The following TAOK1 variants were observed in gnomAD, a reference collection of about 807,000 sequenced individuals.
TAOK1 encodes the protein serine/threonine-protein kinase TAO1.
TAOK1 carries 21 observed loss-of-function variants against 138.3 expected under a neutral mutation model. The observed-to-expected ratio is 0.15, with a 90% CI of 0.11 to 0.22. TAOK1 has a LOEUF of 0.22. TAOK1 is among the 10% of genes least tolerant of loss of function. The pLI, the probability that TAOK1 is intolerant of heterozygous loss-of-function variation, is 1.00. For synonymous variants in TAOK1, 361 were observed against 398.4 expected, an observed-to-expected ratio of 0.91 and a Z score of 1.12; for missense variants, 651 against 1,227.7, an observed-to-expected ratio of 0.53 and a Z score of 7.02.
chr17:29,528,355 G>A (rs1424083308), intron 17 of TAOK1, among the ~76,000 whole-genome samples: 1 of 152,056 alleles, frequency 6.6e-6, no homozygotes, highest in African/African-American at 2.4e-5. Flanking sequence ...GCCAAGATTT[G>A]TTAACTTGAC....
intron 1 of TAOK1, among the ~76,000 whole-genome samples, chr17:29,439,711 G>A (rs1027332122): frequency 1.3e-5 from 2 of 151,730 alleles, no homozygotes; most frequent in African/African-American, 4.8e-5. Context: ...ATTTTTTAGT[G>A]TGGAGTTATA....
At chr17:29,532,279 A>G (rs1412425522) in intron 18 of TAOK1, among the ~76,000 whole-genome samples, 1 of 151,718 alleles carries the variant, frequency 6.6e-6, no homozygotes, top group Non-Finnish European at 1.5e-5. Flanking sequence ...TCTTTGTTCT[A>G]TAGTTATTTC....
Position 29,534,218 on chromosome 17 carries a change from T to C in TAOK1, c.2462T>C (p.Met821Thr). ...AATGCGTATCAGAGCAAAATCAAGA[T>C]GCAAGCTGAGGCACAACATGATCGA... is the stretch of plus-strand genomic sequence containing the variant. ...LLNAYQSKIK[M>T]QAEAQHDREL... is the part of the protein sequence containing the mutation. Residue 821 changes from methionine to threonine, a missense_variant, in exon 19 of 20, where the codon ATG (methionine) becomes ACG (threonine). By Grantham distance (81) the Met-to-Thr change is moderately conservative. Transcript: ENST00000261716. 6.2e-7 allele frequency: 1 copy of C among 1,613,660 alleles called. No homozygotes were observed. The highest frequency in any genetic ancestry group is 8.5e-7 in the Non-Finnish European group (1 of 1,179,824).
At chr17:29,438,232 T>A (rs553027521) in intron 1 of TAOK1, among the ~76,000 whole-genome samples, 11 of 152,244 alleles carry the variant, frequency 7.2e-5, no homozygotes, top group Non-Finnish European at 1.2e-4. Flanking sequence ...ATATTACTAT[T>A]TGAATATTCT....
At chr17:29,489,576 T>C in intron 8 of TAOK1, 88 bp from the exon 9 acceptor site, 1 of 810,928 alleles carries the variant, frequency 1.2e-6, no homozygotes, top group Admixed American at 3.0e-5. Context: ...CAAAATAAAA[T>C]CATTTAAAAA....
chr17:29,468,302 A>C (rs1006356865), intron 3 of TAOK1, among the ~76,000 whole-genome samples: 5 of 149,790 alleles, frequency 3.3e-5, no homozygotes, highest in Non-Finnish European at 5.9e-5. Context: ...ATGCCAGGCT[A>C]ATTTTTTGTA....
At chr17:29,509,495 C>T (rs2153029393) in intron 14 of TAOK1, among the ~76,000 whole-genome samples, 1 of 152,220 alleles carries the variant, frequency 6.6e-6, no homozygotes, top group East Asian at 1.9e-4. Flanking sequence ...AGCCACCACA[C>T]TTGATAGATA....
chr17:29,527,469 A>G (rs2032031073), intron 17 of TAOK1, among the ~76,000 whole-genome samples: 1 of 152,194 alleles, frequency 6.6e-6, no homozygotes, highest in Admixed American at 6.5e-5. Context: ...TGTCTCAAAA[A>G]TAAAAACAGT....
chr17:29,481,176 T>C (rs2031054427), intron 7 of TAOK1, among the ~76,000 whole-genome samples: 1 of 151,468 alleles, frequency 6.6e-6, no homozygotes, highest in South Asian at 2.1e-4. Context: ...TAAAATTCAA[T>C]CTTTTAAGCA....
intron 15 of TAOK1, among the ~76,000 whole-genome samples, chr17:29,516,486 C>T (rs958028387): frequency 1.3e-5 from 2 of 150,360 alleles, no homozygotes; most frequent in African/African-American, 4.9e-5. Flanking sequence ...AGACACGTGC[C>T]ACCACACCTG....
chr17:29,422,254 A>T (rs946614039), intron 1 of TAOK1, among the ~76,000 whole-genome samples: 3 of 149,824 alleles, frequency 2.0e-5, no homozygotes, highest in Non-Finnish European at 3.0e-5. Context: ...CCCAGGCTGG[A>T]GTGCAGTGGC....
intron 6 of TAOK1, among the ~76,000 whole-genome samples, chr17:29,478,739 T>C (rs1218612124): frequency 6.6e-6 from 1 of 152,206 alleles, no homozygotes; most frequent in African/African-American, 2.4e-5. Flanking sequence ...GCTGAGTAGA[T>C]AGAGCTAGAA....
intron 1 of TAOK1, among the ~76,000 whole-genome samples, chr17:29,399,223 G>T (rs777099061): frequency 1.2e-4 from 18 of 151,466 alleles, no homozygotes; most frequent in Non-Finnish European, 2.1e-4. Flanking sequence ...GAGCTCAAGT[G>T]GTTCCACCTG....
At chr17:29,419,993 C>T (rs137899845) in intron 1 of TAOK1, among the ~76,000 whole-genome samples, 11 of 152,134 alleles carry the variant, frequency 7.2e-5, no homozygotes, top group African/African-American at 2.4e-4. Context: ...GATCCTCCCA[C>T]CTCAGTCTCC....
chr17:29,444,699 T>C (rs540915624), intron 1 of TAOK1, among the ~76,000 whole-genome samples: 1 of 152,332 alleles, frequency 6.6e-6, no homozygotes, highest in African/African-American at 2.4e-5. Flanking sequence ...CAGAAAATCC[T>C]CTTGGACTTT....
chr17:29,410,466 T>C (rs938149845), intron 1 of TAOK1, among the ~76,000 whole-genome samples: 6 of 151,964 alleles, frequency 3.9e-5, no homozygotes, highest in Non-Finnish European at 7.4e-5. Context: ...TTAGCCAGGC[T>C]GGTCTTGAAC....
chr17:29,435,859 G>A (rs1284481664), intron 1 of TAOK1, among the ~76,000 whole-genome samples: 2 of 152,264 alleles, frequency 1.3e-5, no homozygotes, highest in African/African-American at 2.4e-5. Flanking sequence ...GGCGGGGTGC[G>A]GTGGCTCACG....
At chr17:29,496,502 C>T (rs942950726) in intron 11 of TAOK1, among the ~76,000 whole-genome samples, 1 of 148,016 alleles carries the variant, frequency 6.8e-6, no homozygotes. Flanking sequence ...GTTGAATGTA[C>T]TCTCTCAGAA....
chr17:29,534,369 T>G, intron 19 of TAOK1, 69 bp downstream of exon 19: 1 of 1,350,170 alleles, frequency 7.4e-7, no homozygotes, highest in Non-Finnish European at 9.7e-7. Context: ...TATAAATATA[T>G]TTTCATGTTG....
Sources: allele counts gnomAD v4.1 joint callset (sites outside exome capture counted in the v4.1 genomes callset), GRCh38; gene constraint gnomAD v4.1.1; transcripts MANE v1.5; gene names NCBI Gene and HGNC (gene_info 2026-07-23, HGNC 2026-07-21).